The following HNF4A variants were observed in gnomAD, a reference collection of about 807,000 sequenced individuals.
HNF4A encodes hepatocyte nuclear factor 4 alpha, also known as hepatocyte nuclear factor 4-alpha.
A neutral mutation model predicts 52.4 loss-of-function variants in HNF4A; 15 were observed. The ratio of observed to expected loss-of-function variants is 0.29; its 90% CI spans 0.19 to 0.44. The LOEUF (loss-of-function observed/expected upper bound fraction) is 0.44, where lower values mean the gene tolerates loss of function less well. Among genes scored for constraint, HNF4A ranks in the 20% least tolerant of loss-of-function variants. HNF4A has a pLI of 1.00. For synonymous variants in HNF4A, 280 were observed against 264.4 expected, an observed-to-expected ratio of 1.06 and a Z score of -0.57; for missense variants, 479 against 647.2, an observed-to-expected ratio of 0.74 and a Z score of 2.82.
intron 7 of HNF4A, among the ~76,000 whole-genome samples, chr20:44,423,449 G>A (rs552673055): frequency 2.0e-5 from 3 of 152,214 alleles, no homozygotes; most frequent in South Asian, 4.1e-4. Flanking sequence ...TTTGGAAACA[G>A]GAGGGACACA....
Position 44,355,939 on chromosome 20 carries a change from C to T in HNF4A, c.49+86C>T, listed in dbSNP as rs1019328588. The T allele has an allele frequency of 9.1e-6, 11 of 1,207,880 alleles. No homozygotes were observed. The Admixed American group carries it at 1.1e-4, about 12-fold the overall frequency. The allele number at this position is 1,207,880 out of a possible 1,614,324, so 74.8% of individuals were successfully genotyped here. ...GGGACACCTCCCCGTGTGTTTCTTA[C>T]GGGCCCAAAGCTCCTCCTGGAGCTC... is the stretch of plus-strand genomic sequence containing the variant. On this transcript the variant is annotated intron_variant, in intron 1 of 9. Coordinates refer to the HNF4A transcript ENST00000316673.
At chr20:44,403,515 G>T (rs2063439378) in intron 1 of HNF4A, among the ~76,000 whole-genome samples, 1 of 152,212 alleles carries the variant, frequency 6.6e-6, no homozygotes, top group Non-Finnish European at 1.5e-5. Context: ...GTTTGAAGTG[G>T]TCTGAATTGG....
intron 1 of HNF4A, chr20:44,384,734 A>G (rs1283175519): frequency 1.3e-5 from 2 of 152,150 alleles, no homozygotes; most frequent in Non-Finnish European, 1.5e-5. Flanking sequence ...AATCCCCATC[A>G]TGTGCCGGAA....
intron 1 of HNF4A, among the ~76,000 whole-genome samples, chr20:44,364,653 A>G (rs2062952970): frequency 6.6e-6 from 1 of 152,064 alleles, no homozygotes; most frequent in Non-Finnish European, 1.5e-5. Context: ...TATTTTTACT[A>G]GAGACGGACT....
chr20:44,408,409 G>A (rs2063533417), intron 3 of HNF4A, among the ~76,000 whole-genome samples: 1 of 152,154 alleles, frequency 6.6e-6, no homozygotes, highest in Admixed American at 6.5e-5. Flanking sequence ...AGCAAGGGAA[G>A]CAAAAATCTT....
intron 1 of HNF4A, among the ~76,000 whole-genome samples, chr20:44,360,183 G>A (rs60933713): frequency 0.16 from 24,542 of 152,144 alleles, 2,363 homozygotes; most frequent in Middle Eastern, 0.26. Flanking sequence ...GAATGAATGG[G>A]AAGATGGATG....
chr20:44,386,468 C>G (rs6031579), intron 1 of HNF4A, among the ~76,000 whole-genome samples: 45,533 of 151,964 alleles, frequency 0.3, 7,091 homozygotes, highest in Non-Finnish European at 0.34. Context: ...CGCCCAGCTG[C>G]CATCTGAATT....
chr20:44,397,760 C>T (rs1248438543), upstream of HNF4A, among the ~76,000 whole-genome samples: 1 of 152,094 alleles, frequency 6.6e-6, no homozygotes, highest in South Asian at 2.1e-4. Context: ...GCCTGGACTG[C>T]AGGGGCATGC....
intron 4 of HNF4A, 99 bp from the exon 5 acceptor site, chr20:44,414,408 T>A: frequency 6.4e-7 from 1 of 1,559,446 alleles, no homozygotes; most frequent in African/African-American, 1.4e-5. Flanking sequence ...TCCAGCCCCC[T>A]CCCCACATCT....
At chr20:44,413,989 G>A (rs1029613027) in intron 4 of HNF4A, among the ~76,000 whole-genome samples, 189 bp downstream of exon 4, 13 of 152,172 alleles carry the variant, frequency 8.5e-5, no homozygotes, top group Admixed American at 3.9e-4. Context: ...CGAACCTGGC[G>A]CCCTGGGGCA....
At chr20:44,389,419 C>T (rs1320173517) in intron 1 of HNF4A, among the ~76,000 whole-genome samples, 2 of 152,160 alleles carry the variant, frequency 1.3e-5, no homozygotes, top group East Asian at 3.8e-4. Flanking sequence ...ATAAGCAGGT[C>T]CCATGCATTA....
intron 1 of HNF4A, among the ~76,000 whole-genome samples, chr20:44,370,172 C>G (rs2063018707): frequency 6.6e-6 from 1 of 152,150 alleles, no homozygotes; most frequent in African/African-American, 2.4e-5. Flanking sequence ...GGACTACAGG[C>G]GCCCGCCACT....
Position 44,424,375 on chromosome 20 carries a change from C to T in HNF4A, c.1129+121C>T, listed in dbSNP as rs142756641. ...CCACTGTGCCGCTTTGGGCAAGTTG[C>T]TTAACCTGTCTGTGCCTCAGTTTCC... On this transcript the variant is annotated intron_variant, in intron 8 of 9. Transcript: ENST00000316099. The T allele has an allele frequency of 5.3e-6, 8 of 1,498,920 alleles. No individual in the cohort carries two copies. In the African/African-American group the frequency reaches 8.3e-5, roughly 16 times the overall value. 92.9% of individuals were successfully genotyped at this position (1,498,920 alleles called of 1,614,324 possible). A position where few individuals can be genotyped will look rare whatever the true frequency, so the allele number is the denominator to read the frequency against.
chr20:44,357,260 C>G (rs1005798767), intron 1 of HNF4A, among the ~76,000 whole-genome samples: 9 of 152,216 alleles, frequency 5.9e-5, no homozygotes, highest in African/African-American at 2.2e-4. Flanking sequence ...CATTTCCCCT[C>G]TCTGAACCTA....
chr20:44,434,319 A>C (rs982039536), downstream of HNF4A: 1 of 151,974 alleles, frequency 6.6e-6, no homozygotes, highest in African/African-American at 2.4e-5. Flanking sequence ...GTACAAGTGA[A>C]CTCTTCATGC....
rs573090611 is a variant in HNF4A, at chr20:44,361,522, G to C, written c.49+5669G>C. On this transcript the variant is annotated intron_variant, in intron 1 of 9. Transcript: ENST00000316673. ...ACAGGAGGATAAAACTTTGCTTCAC[G>C]TGGTGGCTCATGCCTGTAATCCCAG... Among the ~76,000 whole-genome samples the C allele has an allele frequency of 3.9e-5, 6 of 152,190 alleles. No individual in the cohort carries two copies. In the South Asian group the frequency reaches 8.3e-4, roughly 21 times the overall value.
chr20:44,417,211 A>G (rs2063677785), intron 5 of HNF4A, among the ~76,000 whole-genome samples: 1 of 152,030 alleles, frequency 6.6e-6, no homozygotes, highest in Non-Finnish European at 1.5e-5. Flanking sequence ...CCCTAACCCA[A>G]CCTTGAAGAT....
chr20:44,428,409 G>A lies in HNF4A; in HGVS notation c.1204G>A (p.Val402Ile), dbSNP rs137853337. The stretch of plus-strand genomic sequence containing the variant: ...GATGCAGGAACATATGGGAACCAAC[G>A]TCATCGTTGCCAACACAATGCCCAC... Residue 402 changes from valine (V) to isoleucine (I), a missense_variant, in exon 9 of 10, where the codon GTC (valine) becomes ATC (isoleucine). Physicochemically the swap from Val to Ile is conservative, Grantham distance 29. Transcript: ENST00000316099. 10 of 1,614,012 alleles carry A rather than the reference G, an allele frequency of 6.2e-6. No homozygotes were observed. The highest frequency in any genetic ancestry group is 1.3e-5 in the African/African-American group (1 of 74,896).
chr20:44,387,548 G>C (rs1396541553), intron 1 of HNF4A, among the ~76,000 whole-genome samples: 1 of 150,588 alleles, frequency 6.6e-6, no homozygotes, highest in Non-Finnish European at 1.5e-5. Flanking sequence ...AGTAGAAGAG[G>C]ATCTGAGCCA....
Sources: allele counts gnomAD v4.1 joint callset (sites outside exome capture counted in the v4.1 genomes callset), GRCh38; gene constraint gnomAD v4.1.1; transcripts MANE v1.5; gene names NCBI Gene and HGNC (gene_info 2026-07-23, HGNC 2026-07-21).